UNKL: variants seen among roughly 807,000 people sequenced by gnomAD.
The protein encoded by UNKL is putative E3 ubiquitin-protein ligase UNKL.
In UNKL, 60 loss-of-function variants were observed where a neutral mutation model predicts 78.0. That is an observed-to-expected ratio of 0.77 (90% CI 0.63 to 0.95). The LOEUF (loss-of-function observed/expected upper bound fraction) is 0.95. UNKL is among the 40% of genes least tolerant of loss of function. The pLI is 0.00. For missense variants in UNKL, 1,159 were observed against 1,045.7 expected (o/e 1.11, Z -1.49); for synonymous variants, 608 against 474.8 (o/e 1.28, Z -3.65).
Position 1,397,260 on chromosome 16 carries a change from TCATCCC to T in UNKL, c.764_769del (p.Gly255_Asp256del), listed in dbSNP as rs1203326283. 1.6e-5 allele frequency: 25 copies of T among 1,539,486 alleles called. No homozygotes were observed. Among genetic ancestry groups the T allele is most frequent in the Non-Finnish European group, 1.7e-5 (20 of 1,146,254 alleles). On this transcript the variant is annotated inframe_deletion, in exon 6 of 15. Coordinates refer to ENST00000389221, the MANE Select transcript of UNKL (RefSeq NM_001372107.1). ...ATCGCAGCGTGAGGGTTCCCCCCAC[TCATCCC>T]CGTGCTTCACACTGGGGCAGGGCGT... is the stretch of plus-strand genomic sequence containing the variant.
intron 10 of UNKL, chr16:1,378,992 T>C (rs1471937874): frequency 1.3e-5 from 2 of 152,168 alleles, no homozygotes; most frequent in Non-Finnish European, 2.9e-5. Context: ...AGGCAAAATC[T>C]AGGTGAGGCT....
intron 2 of UNKL, among the ~76,000 whole-genome samples, chr16:1,413,090 CTA>C (rs1338144636): frequency 6.6e-6 from 1 of 151,750 alleles, no homozygotes; most frequent in Non-Finnish European, 1.5e-5. Flanking sequence ...CCTACAAAAA[CTA>C]TGCAAAATTA....
intron 2 of UNKL, among the ~76,000 whole-genome samples, chr16:1,412,885 G>C (rs944987583): frequency 1.3e-5 from 2 of 152,038 alleles, no homozygotes; most frequent in African/African-American, 4.8e-5. Flanking sequence ...CAAGAACCCT[G>C]TCTCTATAGA....
At chr16:1,406,218 A>ATTT (rs11410204) in intron 2 of UNKL, 155 of 294,352 alleles carry the variant, frequency 5.3e-4, no homozygotes, top group South Asian at 8.7e-4. Flanking sequence ...TATATTGCTA[A>ATTT]TTTTTTTTTT....
At chr16:1,375,382 C>A (rs2036141949) in intron 10 of UNKL, among the ~76,000 whole-genome samples, 1 of 152,228 alleles carries the variant, frequency 6.6e-6, no homozygotes, top group South Asian at 2.1e-4. Context: ...CCCCACCCCA[C>A]TCCACCGCAC....
intron 1 of UNKL, 82 bp from the exon 2 acceptor site, chr16:1,414,137 C>A: frequency 2.2e-6 from 3 of 1,368,006 alleles, no homozygotes; most frequent in Non-Finnish European, 3.0e-6. Context: ...ACCCACCGGC[C>A]TCAGGAGCCT....
chr16:1,409,730 C>T (rs1596778192), intron 2 of UNKL, among the ~76,000 whole-genome samples: 1 of 152,042 alleles, frequency 6.6e-6, no homozygotes, highest in African/African-American at 2.4e-5. Flanking sequence ...GAACTGGATA[C>T]CACCCTGTGC....
rs780891789 is a variant in UNKL at position 1,414,700 on chromosome 16, A to C, written c.-9T>G. 8.9e-6 allele frequency: 10 copies of C among 1,125,770 alleles called. No individual in the cohort carries two copies. Among genetic ancestry groups the C allele is most frequent in the Non-Finnish European group, 1.1e-5 (10 of 910,160 alleles). 69.7% of individuals were successfully genotyped at this position (1,125,770 alleles called of 1,614,324 possible). A position where few individuals can be genotyped will look rare whatever the true frequency, so the allele number is the denominator to read the frequency against. ...TTCGAAACCGACGGCATTTTCAGTC[A>C]AAACAATGCAGCGCGCATGCGCCGC... On this transcript the variant is annotated 5_prime_UTR_variant, in exon 1 of 15. Transcript: ENST00000389221.
At chr16:1,401,728 A>G (rs1196316917) in intron 3 of UNKL, 27 bp from the exon 4 acceptor site, 1 of 1,592,744 alleles carries the variant, frequency 6.3e-7, no homozygotes, top group East Asian at 2.2e-5. Flanking sequence ...CAGTGGTCAC[A>G]GCTCTGCATC....
chr16:1,379,559 G>T, intron 10 of UNKL: 1 of 985,198 alleles, frequency 1.0e-6, no homozygotes, highest in Non-Finnish European at 1.2e-6. Context: ...CTAAGGGAGG[G>T]CCCGCTCCTG....
Position 1,401,581 on chromosome 16 carries a change from G to T in UNKL, c.585C>A (p.Asp195Glu), listed in dbSNP as rs979731764. Residue 195 changes from aspartate to glutamate, a missense_variant, in exon 4 of 15, where the codon GAC becomes GAA. Coordinates refer to ENST00000389221, the MANE Select transcript of UNKL (RefSeq NM_001372107.1). Reference protein sequence around the residue: ...QAMIEKILSEDPRWQDANFVL... With the variant: ...QAMIEKILSEEPRWQDANFVL... ...CCGTGGAGTTACCTTGCCACCGGGG[G>T]TCCTCGCTCAGGATCTTCTCAATCA... is the stretch of plus-strand genomic sequence containing the variant. 2.5e-6 allele frequency: 4 copies of T among 1,591,168 alleles called. No individual in the cohort carries two copies. Among genetic ancestry groups the T allele is most frequent in the South Asian group, 2.3e-5 (2 of 88,622 alleles).
intron 14 of UNKL, 60 bp downstream of exon 14, chr16:1,367,032 G>T: frequency 6.8e-7 from 1 of 1,463,314 alleles, no homozygotes; most frequent in East Asian, 2.5e-5. Context: ...GCCCTCCCCA[G>T]ACAGGGACAG....
chr16:1,411,592 C>T (rs1314132717), intron 2 of UNKL, among the ~76,000 whole-genome samples: 6 of 152,066 alleles, frequency 3.9e-5, no homozygotes, highest in Admixed American at 3.3e-4. Context: ...TTTGGGACGC[C>T]GAGGCGGGCA....
chr16:1,369,802 C>T (rs971760525), intron 12 of UNKL: 5 of 756,210 alleles, frequency 6.6e-6, no homozygotes, highest in East Asian at 5.5e-5. Context: ...TGATGAAACG[C>T]CATCTCTACT....
chr16:1,371,714 C>A (rs2035854981), intron 10 of UNKL, 103 bp from the exon 11 acceptor site: 4 of 1,240,266 alleles, frequency 3.2e-6, no homozygotes, highest in Non-Finnish European at 3.3e-6. Flanking sequence ...AGAGTGAGAC[C>A]AAGGGCAGAA....
intron 2 of UNKL, chr16:1,412,164 C>T (rs1299197558): frequency 1.3e-5 from 2 of 152,276 alleles, no homozygotes; most frequent in Non-Finnish European, 2.9e-5. Flanking sequence ...CCACCTCCCG[C>T]CAGTCTGTGA....
intron 10 of UNKL, among the ~76,000 whole-genome samples, 172 bp from the exon 11 acceptor site, chr16:1,371,783 C>T (rs1352427971): frequency 6.6e-6 from 1 of 152,174 alleles, no homozygotes; most frequent in East Asian, 1.9e-4. Context: ...CTCGCAGCCC[C>T]CCACAGGCAG....
intron 10 of UNKL, chr16:1,379,522 G>A: frequency 1.0e-6 from 1 of 985,094 alleles, no homozygotes; most frequent in Non-Finnish European, 1.2e-6. Context: ...TCCGTGACGC[G>A]GGGGACGCAC....
Position 1,366,118 on chromosome 16 carries a change from A to T in UNKL, c.*122T>A, listed in dbSNP as rs553209506. The T allele has an allele frequency of 2.4e-6, 3 of 1,231,172 alleles. No homozygotes were observed. The East Asian group carries it at 8.4e-5, about 35-fold the overall frequency. 76.3% of individuals were successfully genotyped at this position (1,231,172 alleles called of 1,614,324 possible). A position where few individuals can be genotyped will look rare whatever the true frequency, so the allele number is the denominator to read the frequency against. ...TCCCAGCCTCATGATAACGTGTAAC[A>T]GGAAGGGCTCCCAGCCTCGGTCCTC... On this transcript the variant is annotated 3_prime_UTR_variant, in exon 15 of 15. Coordinates refer to ENST00000389221, the MANE Select transcript of UNKL (RefSeq NM_001372107.1).
Sources: allele counts gnomAD v4.1 joint callset (sites outside exome capture counted in the v4.1 genomes callset), GRCh38; gene constraint gnomAD v4.1.1; transcripts MANE v1.5; gene names NCBI Gene and HGNC (gene_info 2026-07-23, HGNC 2026-07-21).